The following AFF4 variants were observed in gnomAD, a reference collection of about 807,000 sequenced individuals.
The protein encoded by AFF4 is AF4/FMR2 family member 4.
A neutral mutation model predicts 124.8 loss-of-function variants in AFF4; 13 were observed. That is an observed-to-expected ratio of 0.10 (90% CI 0.07 to 0.17). The LOEUF is 0.17. Ranked by LOEUF, AFF4 falls within the 10% of genes least tolerant of loss-of-function variation. The pLI, the probability that AFF4 is intolerant of heterozygous loss-of-function variation, is 1.00. For missense variants in AFF4, 1,092 were observed against 1,403.8 expected (o/e 0.78, Z 3.55); for synonymous variants, 477 against 496.1 (o/e 0.96, Z 0.51).
In AFF4 at chr5:132,936,253, C is replaced by A. The variant is rs10477745; in HGVS notation, c.123+814G>T. Among the ~76,000 whole-genome samples the A allele has an allele frequency of 4.2e-5, 5 of 120,084 alleles. No homozygotes were observed. The Admixed American group carries it at 5.0e-4, about 12-fold the overall frequency. 78.8% of individuals were successfully genotyped at this position (120,084 alleles called of 152,430 possible). ...CTGCACTCCAACCTGGGCGACAGAG[C>A]AAGACTCCGTCTCAAAAAAAAAAAA... is the stretch of plus-strand genomic sequence containing the variant. On this transcript the variant is annotated intron_variant, in intron 2 of 20. Transcript: ENST00000265343.
At position 132,878,595 on chromosome 5, in the gene AFF4, A is replaced by C. The variant is rs1037276355; in HGVS notation, c.*2464T>G. 3 of 229,954 alleles carry C rather than the reference A, an allele frequency of 1.3e-5. No individual in the cohort carries two copies. The highest frequency in any genetic ancestry group is 4.4e-5 in the African/African-American group (2 of 45,140). The allele number at this position is 229,954 out of a possible 1,614,324, so 14.2% of individuals were successfully genotyped here. A position where few individuals can be genotyped will look rare whatever the true frequency, so the allele number is the denominator to read the frequency against. ...AAAGGGAGTAGTATTTCCACACACT[A>C]TGACATTGAAAATTCAATCATTTAT... On this transcript the variant is annotated 3_prime_UTR_variant, in exon 21 of 21. Coordinates refer to ENST00000265343, the MANE Select transcript of AFF4 (RefSeq NM_014423.4).
At chr5:132,884,684 T>C (rs1258238572) in intron 19 of AFF4, among the ~76,000 whole-genome samples, 2 of 152,182 alleles carry the variant, frequency 1.3e-5, no homozygotes, top group Non-Finnish European at 2.9e-5. Context: ...CTTTGGGAGA[T>C]AGGTGGGATG....
chr5:132,899,944 C>G (rs554234741), intron 7 of AFF4, among the ~76,000 whole-genome samples: 23 of 152,208 alleles, frequency 1.5e-4, no homozygotes, highest in African/African-American at 5.5e-4. Context: ...CTAACTTTTC[C>G]CCTAGTTGCA....
intron 11 of AFF4, among the ~76,000 whole-genome samples, chr5:132,895,645 G>C (rs1581277127): frequency 6.6e-6 from 1 of 152,296 alleles, no homozygotes; most frequent in East Asian, 1.9e-4. Flanking sequence ...GAAAAGATCA[G>C]GCTGTTTTTC....
In AFF4 at chr5:132,898,368, A is replaced by G. The variant is rs778515744; in HGVS notation, c.1251T>C (p.Asn417=). 3.7e-6 allele frequency: 6 copies of G among 1,614,102 alleles called. No homozygotes were observed. Among genetic ancestry groups the G allele is most frequent in the Non-Finnish European group, 5.1e-6 (6 of 1,179,978 alleles). Residue 417 remains asparagine (N), a synonymous_variant, in exon 10 of 21, where the codon AAT becomes AAC. Transcript: ENST00000265343. ...PGSNSEPSHH[N]SEGADNSRDD... Reference sequence around the variant, plus strand: ...CCCTGGAGTTATCTGCTCCTTCACTATTATGGTGTGAAGGTTCAGAGTTAC... The same window carrying G: ...CCCTGGAGTTATCTGCTCCTTCACTGTTATGGTGTGAAGGTTCAGAGTTAC...
chr5:132,915,534 T>C (rs1365604334), intron 5 of AFF4, among the ~76,000 whole-genome samples: 2 of 150,834 alleles, frequency 1.3e-5, no homozygotes, highest in African/African-American at 4.9e-5. Context: ...TAAGCATTAA[T>C]TATACTGCAC....
At chr5:132,889,024 T>C in intron 14 of AFF4, 55 bp downstream of exon 14, 1 of 1,518,338 alleles carries the variant, frequency 6.6e-7, no homozygotes, top group Non-Finnish European at 9.1e-7. Context: ...GAGTTTCTTA[T>C]ATGCTGACTG....
At chr5:132,881,845 T>C (rs1056646739) in intron 20 of AFF4, among the ~76,000 whole-genome samples, 4 of 148,422 alleles carry the variant, frequency 2.7e-5, no homozygotes, top group Non-Finnish European at 6.0e-5. Context: ...TTTTTTTTTT[T>C]AGTAGAGATG....
chr5:132,924,256 A>AAAAAAG (rs1042991241), intron 5 of AFF4, among the ~76,000 whole-genome samples: 5 of 152,214 alleles, frequency 3.3e-5, no homozygotes, highest in African/African-American at 1.2e-4. Context: ...TCTGTCTCAA[A>AAAAAAG]AAAAAGAAAA....
chr5:132,919,319 T>C (rs942102118), intron 5 of AFF4, among the ~76,000 whole-genome samples: 1 of 152,236 alleles, frequency 6.6e-6, no homozygotes, highest in Non-Finnish European at 1.5e-5. Context: ...CAGGCTCATA[T>C]TGGCACCATG....
chr5:132,889,225 G>A, intron 13 of AFF4, 52 bp from the exon 14 acceptor site: 1 of 1,271,688 alleles, frequency 7.9e-7, no homozygotes, highest in Non-Finnish European at 1.1e-6. Context: ...GATTAAAAAT[G>A]AAACTAATAG....
At chr5:132,887,420 A>T in intron 17 of AFF4, 101 bp downstream of exon 17, 1 of 1,089,254 alleles carries the variant, frequency 9.2e-7, no homozygotes, top group African/African-American at 1.6e-5. Flanking sequence ...AGACAGGATT[A>T]CAGAAGTCTG....
chr5:132,889,895 G>C (rs1760211335), intron 13 of AFF4, among the ~76,000 whole-genome samples: 1 of 151,986 alleles, frequency 6.6e-6, no homozygotes, highest in Non-Finnish European at 1.5e-5. Context: ...CCAGCCTCCT[G>C]AGTAGCCGGG....
At chr5:132,908,557 T>C (rs1278603800) in intron 5 of AFF4, among the ~76,000 whole-genome samples, 1 of 151,924 alleles carries the variant, frequency 6.6e-6, no homozygotes, top group East Asian at 1.9e-4. Context: ...CATTTTATTA[T>C]TTTTAGCAAA....
chr5:132,912,238 C>A (rs1760807870), intron 5 of AFF4, among the ~76,000 whole-genome samples: 1 of 151,522 alleles, frequency 6.6e-6, no homozygotes, highest in Admixed American at 6.6e-5. Context: ...CCAGCTACTC[C>A]AGAGACTGAG....
At chr5:132,912,173 CAAAA>C (rs1188332109) in intron 5 of AFF4, among the ~76,000 whole-genome samples, 1 of 64,102 alleles carries the variant, frequency 1.6e-5, no homozygotes, top group Non-Finnish European at 3.3e-5. Flanking sequence ...ACTAAAAATA[CAAAA>C]AAAAAAAAAA....
At chr5:132,939,076 C>T (rs1288927409) in intron 1 of AFF4, among the ~76,000 whole-genome samples, 1 of 149,886 alleles carries the variant, frequency 6.7e-6, no homozygotes, top group African/African-American at 2.5e-5. Context: ...AAAATTTAGC[C>T]AGGTGTGGTG....
At chr5:132,885,012 T>G (rs1008520154) in intron 19 of AFF4, 64 bp downstream of exon 19, 15 of 1,210,244 alleles carry the variant, frequency 1.2e-5, no homozygotes, top group Non-Finnish European at 1.8e-5. Context: ...TTTTTGGAAA[T>G]TGGACCATAC....
At chr5:132,929,318 T>C (rs1761250694) in intron 4 of AFF4, among the ~76,000 whole-genome samples, 2 of 152,184 alleles carry the variant, frequency 1.3e-5, no homozygotes, top group South Asian at 4.1e-4. Context: ...TGAGCACCTA[T>C]TAACTAAAGG....
Sources: allele counts gnomAD v4.1 joint callset (sites outside exome capture counted in the v4.1 genomes callset), GRCh38; gene constraint gnomAD v4.1.1; transcripts MANE v1.5; gene names NCBI Gene and HGNC (gene_info 2026-07-23, HGNC 2026-07-21).